The following MACROD2 variants were observed in gnomAD, a reference collection of about 807,000 sequenced individuals.
MACROD2 encodes the protein mono-ADP ribosylhydrolase 2, also known as ADP-ribose glycohydrolase MACROD2.
Under a neutral mutation model 70.4 loss-of-function variants are expected in MACROD2, and 36 were observed. That is an observed-to-expected ratio of 0.51 (90% CI 0.39 to 0.68). The LOEUF (loss-of-function observed/expected upper bound fraction) is 0.68, where lower values mean the gene tolerates loss of function less well. Among genes scored for constraint, MACROD2 ranks in the 30% least tolerant of loss-of-function variants. The pLI, the probability that MACROD2 is intolerant of heterozygous loss-of-function variation, is 0.00. For missense variants in MACROD2, 496 were observed against 538.4 expected (o/e 0.92, Z 0.78); for synonymous variants, 172 against 178.8 (o/e 0.96, Z 0.30).
intron 5 of MACROD2, among the ~76,000 whole-genome samples, chr20:15,090,038 G>A (rs1377658522): frequency 6.6e-6 from 1 of 152,106 alleles, no homozygotes; most frequent in Non-Finnish European, 1.5e-5. Flanking sequence ...ATCAGTGTGT[G>A]CTGAGATGTT....
chr20:15,634,412 A>C (rs2049334810), intron 8 of MACROD2, among the ~76,000 whole-genome samples: 1 of 152,212 alleles, frequency 6.6e-6, no homozygotes, highest in African/African-American at 2.4e-5. Context: ...GTCTGATCCC[A>C]TGTGTTTGTT....
intron 5 of MACROD2, among the ~76,000 whole-genome samples, chr20:14,966,126 G>A (rs931363442): frequency 2.6e-5 from 4 of 152,006 alleles, no homozygotes; most frequent in African/African-American, 9.7e-5. Flanking sequence ...GGATAACTGT[G>A]GTTTTAAACT....
intron 10 of MACROD2, among the ~76,000 whole-genome samples, chr20:15,899,379 T>TTG (rs1373060746): frequency 3.3e-5 from 5 of 152,164 alleles, no homozygotes; most frequent in African/African-American, 9.6e-5. Flanking sequence ...CCTGGAAAGA[T>TTG]ACATATCAAG....
chr20:15,641,444 G>C (rs987892835), intron 8 of MACROD2, among the ~76,000 whole-genome samples: 3 of 152,156 alleles, frequency 2.0e-5, no homozygotes, highest in South Asian at 4.1e-4. Context: ...TGGAGGACAT[G>C]CTTTGCTGAA....
rs561204807 is a variant in MACROD2 at position 15,879,938 on chromosome 20, G to A, written c.728-5826G>A. ...TGTTTCAGTTTGAATCTGAAGGCAG[G>A]AAAAAAACCCCAATGGCCAACTAGT... On this transcript the variant is annotated intron_variant, in intron 9 of 17. Coordinates refer to ENST00000684519, the MANE Select transcript of MACROD2 (RefSeq NM_001351661.2). Among the ~76,000 whole-genome samples the A allele has an allele frequency of 1.3e-3, 201 of 152,108 alleles. 2 individuals are homozygous for A. Among genetic ancestry groups the A allele is most frequent in the African/African-American group, 4.4e-3 (181 of 41,502 alleles).
chr20:15,065,832 A>G (rs1261691894), intron 5 of MACROD2, among the ~76,000 whole-genome samples: 1 of 152,170 alleles, frequency 6.6e-6, no homozygotes, highest in Non-Finnish European at 1.5e-5. Flanking sequence ...TATTCCAGGG[A>G]AGAAAGTTTT....
chr20:15,909,441 A>G (rs1360352377), intron 10 of MACROD2, among the ~76,000 whole-genome samples: 1 of 151,406 alleles, frequency 6.6e-6, no homozygotes, highest in Non-Finnish European at 1.5e-5. Flanking sequence ...GGAATGAGAT[A>G]TGTATAGGTA....
At chr20:15,824,303 C>G (rs564106944) in intron 8 of MACROD2, among the ~76,000 whole-genome samples, 56 of 151,978 alleles carry the variant, frequency 3.7e-4, no homozygotes, top group African/African-American at 1.3e-3. Flanking sequence ...GTGTTATTTT[C>G]TCAATTGCAA....
intron 5 of MACROD2, among the ~76,000 whole-genome samples, chr20:14,963,098 T>C (rs1353182131): frequency 6.6e-6 from 1 of 152,142 alleles, no homozygotes; most frequent in Non-Finnish European, 1.5e-5. Flanking sequence ...GTACCATACT[T>C]TTTTTCACCA....
chr20:14,313,045 G>T (rs556029405), intron 3 of MACROD2, among the ~76,000 whole-genome samples: 2 of 152,142 alleles, frequency 1.3e-5, no homozygotes, highest in African/African-American at 4.8e-5. Context: ...TAACATCTAC[G>T]TTAAGACACT....
intron 6 of MACROD2, among the ~76,000 whole-genome samples, chr20:15,370,605 C>T (rs571068190): frequency 6.6e-6 from 1 of 152,070 alleles, no homozygotes; most frequent in East Asian, 1.9e-4. Flanking sequence ...ACGGTTGATG[C>T]AGTTGAAGAA....
intron 7 of MACROD2, among the ~76,000 whole-genome samples, chr20:15,484,346 T>C (rs1272860831): frequency 6.6e-6 from 1 of 152,136 alleles, no homozygotes; most frequent in African/African-American, 2.4e-5. Context: ...TATTATATAG[T>C]TATGTGATTA....
chr20:14,175,701 G>A (rs6074699), intron 3 of MACROD2, among the ~76,000 whole-genome samples: 79,523 of 151,950 alleles, frequency 0.52, 22,483 homozygotes, highest in Non-Finnish European at 0.62. Context: ...TGGCAAAGTA[G>A]TTTCTTTTTA....
Position 15,544,031 on chromosome 20 carries a change from C to T in MACROD2, c.645+44184C>T, listed in dbSNP as rs1192207799. On this transcript the variant is annotated intron_variant, in intron 8 of 17. Transcript: ENST00000684519. The stretch of plus-strand genomic sequence containing the variant: ...ATCAAGGGGCAGGGGAGGTGACTCT[C>T]ACACTGTGGGGAAGTACAGTAAAGT... Among the ~76,000 whole-genome samples the T allele has an allele frequency of 1.4e-3, 220 of 152,174 alleles. 2 individuals carry two copies. Among genetic ancestry groups the T allele is most frequent in the Admixed American group, 0.014 (219 of 15,272 alleles).
chr20:14,991,933 A>G (rs1229488418), intron 5 of MACROD2, among the ~76,000 whole-genome samples: 1 of 152,074 alleles, frequency 6.6e-6, no homozygotes, highest in Non-Finnish European at 1.5e-5. Flanking sequence ...CCAACTCTCC[A>G]TCCATCCATC....
At chr20:15,007,784 C>G (rs2075051489) in intron 5 of MACROD2, among the ~76,000 whole-genome samples, 1 of 152,224 alleles carries the variant, frequency 6.6e-6, no homozygotes, top group Admixed American at 6.5e-5. Context: ...TCCAACACCA[C>G]ATGTGCCTTT....
Position 14,684,875 on chromosome 20 carries a change from T to A in MACROD2, c.334T>A (p.Cys112Ser). 1 of 1,614,072 alleles carries A rather than the reference T, an allele frequency of 6.2e-7. No individual in the cohort carries two copies. Among genetic ancestry groups the A allele is most frequent in the Admixed American group, 1.7e-5 (1 of 60,016 alleles). ...DGCIHRAAGPCLLAECRNLNG... is the reference protein window; with the variant it reads ...DGCIHRAAGPSLLAECRNLNG... Reference sequence around the variant, plus strand: ...CTGTATTCATAGAGCAGCCGGCCCCTGTTTGCTAGCTGAATGTCGTAACCT... The same window carrying A: ...CTGTATTCATAGAGCAGCCGGCCCCAGTTTGCTAGCTGAATGTCGTAACCT... The change falls in exon 5 of 18, where the codon TGT becomes AGT. Residue 112 changes from cysteine (C) to serine (S), a missense_variant. By Grantham distance (112) the Cys-to-Ser change is moderately radical (BLOSUM62 -1). Transcript: ENST00000684519.
At chr20:14,176,698 C>G (rs1225422548) in intron 3 of MACROD2, among the ~76,000 whole-genome samples, 2 of 152,116 alleles carry the variant, frequency 1.3e-5, no homozygotes, top group African/African-American at 4.8e-5. Flanking sequence ...TTTTAAATAT[C>G]TCTTTGAATA....
intron 9 of MACROD2, among the ~76,000 whole-genome samples, chr20:15,869,232 T>TAGAGAGAG (rs1282844011): frequency 2.4e-4 from 8 of 33,108 alleles, no homozygotes; most frequent in African/African-American, 4.3e-4. Flanking sequence ...TATATATATA[T>TAGAGAGAG]ATATATAGAG....
Sources: gnomAD v4.1 joint callset for allele counts (sites outside exome capture counted in the v4.1 genomes callset) on GRCh38, gnomAD v4.1.1 for gene constraint, MANE v1.5 for transcripts, NCBI Gene and HGNC (gene_info 2026-07-23, HGNC 2026-07-21) for gene names.